Variants in ACIN1 observed in about 807,000 individuals in gnomAD.
The protein encoded by ACIN1 is apoptotic chromatin condensation inducer 1, also known as apoptotic chromatin condensation inducer in the nucleus.
A neutral mutation model predicts 146.6 loss-of-function variants in ACIN1; 16 were observed. The ratio of observed to expected loss-of-function variants is 0.11; its 90% CI spans 0.07 to 0.17. The LOEUF (loss-of-function observed/expected upper bound fraction) is 0.17, where lower values mean the gene tolerates loss of function less well. Ranked by LOEUF, ACIN1 falls within the 10% of genes least tolerant of loss-of-function variation. The pLI, the probability that ACIN1 is intolerant of heterozygous loss-of-function variation, is 1.00. For missense variants in ACIN1, 1,357 were observed against 1,609.3 expected (o/e 0.84, Z 2.68); for synonymous variants, 569 against 582.7 (o/e 0.98, Z 0.34).
intron 1 of ACIN1, chr14:23,094,715 G>C (rs928732608): frequency 3.0e-6 from 2 of 660,452 alleles, no homozygotes; most frequent in African/African-American, 3.7e-5. Flanking sequence ...GTGGGGGAAG[G>C]AGGAAGGAGC....
At chr14:23,088,009 T>C (rs370265856) in intron 4 of ACIN1, among the ~76,000 whole-genome samples, 7 of 152,336 alleles carry the variant, frequency 4.6e-5, no homozygotes, top group African/African-American at 1.7e-4. Context: ...TTCCACTCTT[T>C]TGGTTCCCTA....
At position 23,080,510 on chromosome 14, in the gene ACIN1, C is replaced by T. The variant is rs773746914; in HGVS notation, c.825G>A (p.Val275=). Residue 275 remains valine, a synonymous_variant, in exon 6 of 19, where the codon GTG becomes GTA. Transcript: ENST00000605057. ...TTGTAAATCTCCCTCCTCTCTCTAA[C>T]ACCTCCTGTTCCTGGGATCTTGTTT... The part of the protein sequence containing the change: ...RPKTRSQEQE[V]LERGGRFTRS... 3 of 1,614,158 alleles carry T rather than the reference C, an allele frequency of 1.9e-6. No individual in the cohort carries two copies. The highest frequency in any genetic ancestry group is 2.2e-5 in the East Asian group (1 of 44,880).
chr14:23,078,370 A>T, intron 7 of ACIN1, 104 bp from the exon 8 acceptor site: 1 of 827,494 alleles, frequency 1.2e-6, no homozygotes, highest in Non-Finnish European at 1.9e-6. Flanking sequence ...CATACACAGT[A>T]CCAGCTCCAC....
At chr14:23,090,755 T>C (rs1371532429) in intron 2 of ACIN1, 122 bp from the exon 3 acceptor site, 4 of 669,486 alleles carry the variant, frequency 6.0e-6, no homozygotes, top group Admixed American at 6.4e-5. Context: ...AACTAAAATG[T>C]TGGAAGGCTT....
rs1158201079 is a variant in ACIN1, at chr14:23,079,760, T to G, written c.1575A>C (p.Ser525=). The change falls in exon 6 of 19, where the codon TCA becomes TCC. Residue 525 remains serine, a synonymous_variant. Coordinates refer to ENST00000605057, the MANE Select transcript of ACIN1 (RefSeq NM_001386863.1). ...SADSSSSRSS[S]SSSSSSRSRS... ...TTGATCTAGAACTGGAGGAGGAAGA[T>G]GAGGAGGACCGGCTAGAGGATGAAT... The G allele has an allele frequency of 3.7e-6, 6 of 1,614,030 alleles. No homozygotes were observed. Among genetic ancestry groups the G allele is most frequent in the African/African-American group, 1.3e-5 (1 of 74,896 alleles).
upstream of ACIN1, chr14:23,095,249 G>A (rs987764819): frequency 9.9e-6 from 16 of 1,608,094 alleles, no homozygotes; most frequent in Non-Finnish European, 1.4e-5. Context: ...AACTCCCCGG[G>A]TTCCTCCGGA....
Position 23,073,698 on chromosome 14 carries a change from C to T in ACIN1, c.2124-4081G>A, listed in dbSNP as rs564433681. Among the ~76,000 whole-genome samples, 31 of 152,254 alleles carry T rather than the reference C, an allele frequency of 2.0e-4. No homozygotes were observed. The East Asian group carries it at 5.8e-3, about 28-fold the overall frequency. ...ATTTTTTTAATAGAATCCCCACAAA[C>T]AATGTTACACCACAGAAAATGTTAC... is the stretch of plus-strand genomic sequence containing the variant. On this transcript the variant is annotated intron_variant, in intron 8 of 18. Coordinates refer to ENST00000605057, the MANE Select transcript of ACIN1 (RefSeq NM_001386863.1).
rs761845612 is a variant in ACIN1 at position 23,059,206 on chromosome 14, C to T, written c.3794G>A (p.Arg1265His). 8 of 1,614,000 alleles carry T rather than the reference C, an allele frequency of 5.0e-6. No individual in the cohort carries two copies. The highest frequency in any genetic ancestry group is 1.6e-4 in the Middle Eastern group (1 of 6,062). ...GCTCCGACTCCGGCTTCTGCTGTGG[C>T]GCTTGGTGTCCCTGCGATCCCTTTC... ...GRERDRRDTK[R>H]HSRSRSRSTP... is the part of the protein sequence containing the mutation. The change falls in exon 19 of 19, where the codon CGC (arginine) becomes CAC (histidine). Residue 1265 changes from arginine to histidine, a missense_variant. Arg to His is a conservative substitution (Grantham distance 29, BLOSUM62 0). This residue lies in a region of ACIN1 where 509 missense variants were observed against 719.6 expected (regional missense o/e 0.71). Transcript: ENST00000605057.
Position 23,080,136 on chromosome 14 carries a change from T to A in ACIN1, c.1199A>T (p.Asp400Val). 5.0e-6 allele frequency: 8 copies of A among 1,614,120 alleles called. 1 individual carries two copies. The South Asian group carries it at 7.7e-5, about 16-fold the overall frequency. Residue 400 changes from aspartate (D) to valine (V), a missense_variant, in exon 6 of 19, where the codon GAT (aspartate) becomes GTT (valine). Physicochemically the swap from Asp to Val is radical, Grantham distance 152. This residue lies in a region of ACIN1 where 771 missense variants were observed against 746.6 expected (regional missense o/e 1.03). Coordinates refer to ENST00000605057, the MANE Select transcript of ACIN1 (RefSeq NM_001386863.1). Reference protein sequence around the residue: ...VLIQLSPPNTDADTRELLVSQ... With the variant: ...VLIQLSPPNTVADTRELLVSQ... ...TACTAATAGCTCCCTGGTGTCAGCA[T>A]CTGTATTAGGAGGAGATAACTGAAT...
chr14:23,071,133 G>A, intron 8 of ACIN1: 2 of 1,551,626 alleles, frequency 1.3e-6, no homozygotes, highest in Non-Finnish European at 1.7e-6. Flanking sequence ...ACCCTTCTTT[G>A]CTTTCTGATA....
chr14:23,059,955 A>ATT (rs2047220681), intron 18 of ACIN1, among the ~76,000 whole-genome samples: 1 of 102,306 alleles, frequency 9.8e-6, no homozygotes. Context: ...GCGCCCCGCC[A>ATT]GTTTTTTTTT....
At chr14:23,089,031 G>A (rs2048158637) in intron 4 of ACIN1, among the ~76,000 whole-genome samples, 1 of 152,112 alleles carries the variant, frequency 6.6e-6, no homozygotes, top group East Asian at 1.9e-4. Context: ...GCAAAATTGG[G>A]TGCCTATTAT....
chr14:23,071,634 A>C, intron 8 of ACIN1: 1 of 1,414,748 alleles, frequency 7.1e-7, no homozygotes, highest in East Asian at 2.5e-5. Flanking sequence ...GAAAAGAGGG[A>C]GGGAGCTGAG....
intron 8 of ACIN1, 35 bp from the exon 9 acceptor site, chr14:23,069,652 G>GGGGGCCGGCC: frequency 1.7e-6 from 1 of 577,974 alleles, no homozygotes; most frequent in Admixed American, 2.1e-5. Context: ...GGGGGGGCGG[G>GGGGGCCGGCC]CAGAAAAGAA....
chr14:23,072,964 G>A (rs761054753), intron 8 of ACIN1, among the ~76,000 whole-genome samples: 6 of 152,214 alleles, frequency 3.9e-5, no homozygotes, highest in Admixed American at 6.5e-5. Context: ...CTATTTCATG[G>A]AACAGTGTAG....
At chr14:23,071,314 AT>A (rs1462745588) in intron 8 of ACIN1, 2 of 1,507,394 alleles carry the variant, frequency 1.3e-6, no homozygotes, top group East Asian at 4.9e-5. Context: ...GAGAGAGAAA[AT>A]TGAGATGTAG....
rs539428272 is a variant in ACIN1, at chr14:23,080,657, T to G, written c.678A>C (p.Glu226Asp). Residue 226 changes from glutamate (E) to aspartate (D), a missense_variant, in exon 6 of 19, where the codon GAA (glutamate) becomes GAC (aspartate). This residue lies in a region of ACIN1 where 771 missense variants were observed against 746.6 expected (regional missense o/e 1.03). Coordinates refer to ENST00000605057, the MANE Select transcript of ACIN1 (RefSeq NM_001386863.1). ...GTCCCTCATCATCACCTTCCTCTTC[T>G]TCATCATCTTCTTCCTCCTCCTCCT... ...EEEEEEEEDD[E>D]EEEGDDEGQK... 5.0e-6 allele frequency: 8 copies of G among 1,613,194 alleles called. No individual in the cohort carries two copies. In the South Asian group the frequency reaches 8.8e-5, roughly 18 times the overall value.
intron 18 of ACIN1, 117 bp from the exon 19 acceptor site, chr14:23,059,591 T>C (rs1303321830): frequency 4.0e-6 from 3 of 746,088 alleles, no homozygotes; most frequent in Non-Finnish European, 6.9e-6. Flanking sequence ...CAGGAAGGGG[T>C]TGGGGGCTCA....
At position 23,062,669 on chromosome 14, in the gene ACIN1, GA is replaced by G. The variant is rs546456455; in HGVS notation, c.2884-147del. On this transcript the variant is annotated intron_variant, in intron 14 of 18. Transcript: ENST00000605057. ...TAGGAACCTTGCAGTAAGAATGTGA[GA>G]AGAGTGGTGGTGCTTCCCAGCACTA... 4.4e-4 allele frequency: 357 copies of G among 819,314 alleles called. No homozygotes were observed. In the African/African-American group the frequency reaches 5.3e-3, roughly 12 times the overall value. The allele number at this position is 819,314 out of a possible 1,614,324, so 50.8% of individuals were successfully genotyped here.
Sources: allele counts gnomAD v4.1 joint callset (sites outside exome capture counted in the v4.1 genomes callset), GRCh38; gene constraint gnomAD v4.1.1; regional missense constraint gnomAD v4.1.1; transcripts MANE v1.5; gene names NCBI Gene and HGNC (gene_info 2026-07-23, HGNC 2026-07-21).